ITSN1: variants seen among roughly 807,000 people sequenced by gnomAD.
ITSN1 encodes the protein intersectin 1.
In ITSN1, 58 loss-of-function variants were observed where a neutral mutation model predicts 239.8. That is an observed-to-expected ratio of 0.24 (90% CI 0.20 to 0.30). ITSN1 has a LOEUF of 0.30. Ranked by LOEUF, ITSN1 falls within the 10% of genes least tolerant of loss-of-function variation. The pLI is 1.00. For synonymous variants in ITSN1, 780 were observed against 770.8 expected (o/e 1.01, Z -0.20); for missense variants, 1,558 against 2,103.3 (o/e 0.74, Z 5.07).
At chr21:33,876,242 TCTTTC>T (rs1569333601) in intron 34 of ITSN1, among the ~76,000 whole-genome samples, 1 of 31,626 alleles carries the variant, frequency 3.2e-5, no homozygotes, top group South Asian at 7.5e-4. Context: ...CTTCTCTCTC[TCTTTC>T]TTCTCCTTCC....
rs1179246399 is a variant in ITSN1, at chr21:33,899,772, A to T, written c.*11472A>T. The T allele has an allele frequency of 6.6e-6, 1 of 152,168 alleles. No homozygotes were observed. Among genetic ancestry groups the T allele is most frequent in the East Asian group, 1.9e-4 (1 of 5,190 alleles). The allele number at this position is 152,168 out of a possible 1,614,324, so 9.4% of individuals were successfully genotyped here. ...CCTAAAAAGAACAATCTCTTCAAAA[A>T]CAAAAACAAAAACAAAAAACAACTC... On this transcript the variant is annotated 3_prime_UTR_variant, in exon 40 of 40. Coordinates refer to ENST00000381318, the MANE Select transcript of ITSN1 (RefSeq NM_003024.3).
Position 33,719,852 on chromosome 21 carries a change from TGCTTACAC to T in ITSN1, c.28+997_28+1004del, listed in dbSNP as rs374107172. 2.6e-3 allele frequency among the ~76,000 whole-genome samples: 399 copies of T among 152,340 alleles called. 1 individual carries two copies. The highest frequency in any genetic ancestry group is 8.9e-3 in the African/African-American group (369 of 41,560). On this transcript the variant is annotated intron_variant, in intron 2 of 39. Coordinates refer to ENST00000381318, the MANE Select transcript of ITSN1 (RefSeq NM_003024.3). ...TTATTAGGAAATTGTTAAGTGTTCT[TGCTTACAC>T]CCAAGTTACTTTTTAACAAAAATAC...
intron 28 of ITSN1, among the ~76,000 whole-genome samples, chr21:33,836,212 G>A (rs896030084): frequency 1.3e-5 from 2 of 152,106 alleles, no homozygotes; most frequent in Non-Finnish European, 2.9e-5. Flanking sequence ...AAAAGAGGAC[G>A]ATATCATAAA....
At chr21:33,720,951 T>A (rs2065447897) in intron 2 of ITSN1, among the ~76,000 whole-genome samples, 1 of 152,184 alleles carries the variant, frequency 6.6e-6, no homozygotes, top group South Asian at 2.1e-4. Flanking sequence ...GTGTGCCTCT[T>A]CTTTTCTTTC....
chr21:33,854,437 C>T (rs528666993), intron 29 of ITSN1, among the ~76,000 whole-genome samples: 1 of 152,360 alleles, frequency 6.6e-6, no homozygotes, highest in Non-Finnish European at 1.5e-5. Flanking sequence ...TTCAGCCCTT[C>T]AACAAGAAAT....
At chr21:33,687,803 T>C (rs1032870774) in intron 1 of ITSN1, among the ~76,000 whole-genome samples, 1 of 152,144 alleles carries the variant, frequency 6.6e-6, no homozygotes, top group Non-Finnish European at 1.5e-5. Context: ...TAACAAAGAG[T>C]TGTAAGTAAC....
At chr21:33,727,472 CA>C (rs2065896040) in intron 4 of ITSN1, among the ~76,000 whole-genome samples, 2 of 151,934 alleles carry the variant, frequency 1.3e-5, no homozygotes, top group Non-Finnish European at 2.9e-5. Flanking sequence ...AGGATTAGAT[CA>C]ACTTTGTGAT....
intron 14 of ITSN1, among the ~76,000 whole-genome samples, chr21:33,777,154 A>G (rs139782501): frequency 6.6e-4 from 101 of 152,302 alleles, no homozygotes; most frequent in African/African-American, 2.2e-3. Context: ...TGCAGATAGT[A>G]TAAGGTAAAG....
chr21:33,722,678 T>C, intron 4 of ITSN1, 27 bp downstream of exon 4: 1 of 1,550,088 alleles, frequency 6.5e-7, no homozygotes, highest in Non-Finnish European at 8.7e-7. Context: ...CATGAAATTT[T>C]ACATAAGCAT....
intron 34 of ITSN1, among the ~76,000 whole-genome samples, chr21:33,876,117 CTTT>C (rs1983746825): frequency 6.8e-5 from 1 of 14,702 alleles, no homozygotes; most frequent in African/African-American, 5.1e-4. Context: ...TTCTTTCTTT[CTTT>C]CTTTCTTTCT....
intron 19 of ITSN1, among the ~76,000 whole-genome samples, chr21:33,800,234 C>CAT (rs1388602861): frequency 6.6e-6 from 1 of 151,664 alleles, no homozygotes; most frequent in African/African-American, 2.4e-5. Flanking sequence ...TATGAGTATA[C>CAT]ATATATATGT....
chr21:33,801,840 A>T (rs528440269), intron 19 of ITSN1, among the ~76,000 whole-genome samples: 2 of 152,302 alleles, frequency 1.3e-5, no homozygotes, highest in East Asian at 1.9e-4. Flanking sequence ...CACTCTGTAC[A>T]CACAAATGGT....
intron 21 of ITSN1, 93 bp downstream of exon 21, chr21:33,811,315 G>A (rs1279813551): frequency 4.0e-6 from 5 of 1,263,614 alleles, no homozygotes; most frequent in Non-Finnish European, 5.5e-6. Context: ...GTCTTGGATT[G>A]TCCTTCTATG....
At chr21:33,859,138 C>T (rs67668917) in intron 31 of ITSN1, among the ~76,000 whole-genome samples, 2 of 151,986 alleles carry the variant, frequency 1.3e-5, no homozygotes, top group African/African-American at 2.4e-5. Flanking sequence ...CGCTTTCCCT[C>T]GGACGCGGGA....
intron 11 of ITSN1, among the ~76,000 whole-genome samples, chr21:33,769,466 A>G (rs1436949495): frequency 6.6e-6 from 1 of 152,206 alleles, no homozygotes; most frequent in Non-Finnish European, 1.5e-5. Flanking sequence ...TTGGACTACC[A>G]TAACAAAATA....
At chr21:33,874,563 G>A (rs1983360900) in intron 33 of ITSN1, among the ~76,000 whole-genome samples, 1 of 152,124 alleles carries the variant, frequency 6.6e-6, no homozygotes, top group African/African-American at 2.4e-5. Flanking sequence ...AAAATAGCAC[G>A]GAACTGGGCC....
chr21:33,824,213 T>C (rs1055085044), intron 25 of ITSN1, among the ~76,000 whole-genome samples: 1 of 152,192 alleles, frequency 6.6e-6, no homozygotes, highest in Admixed American at 6.5e-5. Context: ...GTTATCCGTA[T>C]GAATTGGAAG....
chr21:33,817,376 C>T (rs760652642), intron 22 of ITSN1: 3 of 1,304,436 alleles, frequency 2.3e-6, no homozygotes, highest in Non-Finnish European at 3.0e-6. Context: ...CTCCGAAGCC[C>T]TAGCTGTCAA....
chr21:33,654,589 G>A (rs1248166806), intron 1 of ITSN1, among the ~76,000 whole-genome samples: 1 of 152,072 alleles, frequency 6.6e-6, no homozygotes, highest in East Asian at 1.9e-4. Flanking sequence ...CTACACAAAA[G>A]ACATAATACA....
Sources: allele counts gnomAD v4.1 joint callset (sites outside exome capture counted in the v4.1 genomes callset), GRCh38; gene constraint gnomAD v4.1.1; transcripts MANE v1.5; gene names NCBI Gene and HGNC (gene_info 2026-07-23, HGNC 2026-07-21).